ASGR1: variants seen among roughly 807,000 people sequenced by gnomAD.
The protein encoded by ASGR1 is asialoglycoprotein receptor 1.
A neutral mutation model predicts 33.1 loss-of-function variants in ASGR1; 35 were observed. The ratio of observed to expected loss-of-function variants is 1.06; its 90% CI spans 0.81 to 1.40. The LOEUF (loss-of-function observed/expected upper bound fraction) is 1.40, where lower values mean the gene tolerates loss of function less well. Ranked by LOEUF, ASGR1 falls within the 40% of genes most tolerant of loss-of-function variation. The pLI is 0.00. For missense variants in ASGR1, 396 were observed against 373.7 expected, an observed-to-expected ratio of 1.06 and a Z score of -0.49; for synonymous variants, 142 against 152.5, an observed-to-expected ratio of 0.93 and a Z score of 0.51.
At chr17:7,175,950 ACACT>A (rs2069196714) in intron 5 of ASGR1, among the ~76,000 whole-genome samples, 1 of 143,184 alleles carries the variant, frequency 7.0e-6, no homozygotes, top group Non-Finnish European at 1.5e-5. Context: ...CACGCAACAC[ACACT>A]AACACACATA....
At position 7,174,080 on chromosome 17, in the gene ASGR1, A is replaced by T; in HGVS notation, c.595-13T>A. On this transcript the variant is annotated splice_polypyrimidine_tract_variant and intron_variant, in intron 7 of 8. Transcript: ENST00000269299. ...GCTGGACAAATTTCTGAGGAGAGAG[A>T]AGGCGGGTGGTGATCTCTCCGAGGC... 1 of 1,614,134 alleles carries T rather than the reference A, an allele frequency of 6.2e-7. No individual in the cohort carries two copies. The highest frequency in any genetic ancestry group is 8.5e-7 in the Non-Finnish European group (1 of 1,179,988).
intron 2 of ASGR1, chr17:7,177,575 C>G: frequency 2.2e-6 from 1 of 459,752 alleles, no homozygotes; most frequent in South Asian, 3.5e-5. Flanking sequence ...TTTGCTGACA[C>G]CTAATGGCAT....
intron 2 of ASGR1, 74 bp downstream of exon 2, chr17:7,178,420 A>C: frequency 6.9e-7 from 1 of 1,446,554 alleles, no homozygotes; most frequent in East Asian, 2.3e-5. Context: ...CACGGGCAAG[A>C]GTAGGAGCTG....
chr17:7,176,792 T>TCACACACACACACACACA, intron 5 of ASGR1, 38 bp downstream of exon 5: 1 of 1,474,292 alleles, frequency 6.8e-7, no homozygotes, highest in South Asian at 1.2e-5. Context: ...TCACTCTCTT[T>TCACACACACACACACACA]CACACACACA....
chr17:7,173,812 C>T lies in ASGR1; in HGVS notation c.723G>A (p.Pro241=), dbSNP rs748380270. 1.1e-5 allele frequency: 17 copies of T among 1,610,918 alleles called. No homozygotes were observed. The East Asian group carries it at 2.9e-4, about 27-fold the overall frequency. Residue 241 remains proline (P), a synonymous_variant, in exon 9 of 9, where the codon CCG becomes CCA. Coordinates refer to ENST00000269299, the MANE Select transcript of ASGR1 (RefSeq NM_001671.5). The surrounding 1 kb of genome is among the most constrained non-coding windows in gnomAD (Gnocchi z 4.7). ...CGAGCCCGTGGCCGTACCAGTCGTC[C>T]GGCTGCTCCGGCCTCCAGTTCCTGG... The part of the protein sequence containing the change: ...TGFKNWRPEQ[P]DDWYGHGLGG...
At position 7,177,087 on chromosome 17, in the gene ASGR1, C is replaced by T; in HGVS notation, c.188-11G>A. 6.2e-7 allele frequency: 1 copy of T among 1,613,846 alleles called. No homozygotes were observed. The highest frequency in any genetic ancestry group is 8.5e-7 in the Non-Finnish European group (1 of 1,179,998). ...CCTGCAGCTGGGAGTCTGGCCAGGACAGCGTGCAGAGAGAAGAAAACGGGA... is the reference window on the plus strand; with the variant it reads ...CCTGCAGCTGGGAGTCTGGCCAGGATAGCGTGCAGAGAGAAGAAAACGGGA... On this transcript the variant is annotated splice_polypyrimidine_tract_variant and intron_variant, in intron 3 of 8. Transcript: ENST00000269299.
In ASGR1 at chr17:7,173,626, C is replaced by T; in HGVS notation, c.*33G>A. On this transcript the variant is annotated 3_prime_UTR_variant, in exon 9 of 9. Transcript: ENST00000269299. The surrounding 1 kb of genome is among the most constrained non-coding windows in gnomAD (Gnocchi z 4.7). Reference sequence around the variant, plus strand: ...GATGGGCGGATTCCCAATCCCGGACCCCTGCGGCAGGTCGAGGCATTGAAG... The same window carrying T: ...GATGGGCGGATTCCCAATCCCGGACTCCTGCGGCAGGTCGAGGCATTGAAG... 6.2e-7 allele frequency: 1 copy of T among 1,611,192 alleles called. No individual in the cohort carries two copies. Among genetic ancestry groups the T allele is most frequent in the Non-Finnish European group, 8.5e-7 (1 of 1,179,936 alleles).
intron 5 of ASGR1, among the ~76,000 whole-genome samples, chr17:7,175,782 C>T: frequency 7.2e-6 from 1 of 139,088 alleles, no homozygotes; most frequent in East Asian, 2.0e-4. Context: ...CACACAGGCT[C>T]TCACACACAC....
rs1437255089 is a variant in ASGR1, at chr17:7,174,130, G to T, written c.594+8C>A. The T allele has an allele frequency of 8.1e-6, 13 of 1,614,036 alleles. 1 individual carries two copies. Among genetic ancestry groups the T allele is most frequent in the South Asian group, 4.4e-5 (4 of 91,074 alleles). On this transcript the variant is annotated splice_region_variant and intron_variant, in intron 7 of 8. Transcript: ENST00000269299. ...CCAGCCAGCCTCCCAGACCCTCCGG[G>T]TCCTCACCTGCTCCTCCCAGGACGT...
intron 2 of ASGR1, chr17:7,178,234 C>T (rs1205588625): frequency 3.8e-6 from 2 of 525,244 alleles, no homozygotes; most frequent in Non-Finnish European, 3.4e-6. Flanking sequence ...CAGCTTCCAG[C>T]TGTTCCCACA....
rs113815158 is a variant in ASGR1, at chr17:7,176,704, T to TCACA, written c.355+122_355+125dup. ...CTCCCCCTCATTCTCACACACAGACTCACACACACACACACTCCCTCTCAT... is the reference window on the plus strand; with the variant it reads ...CTCCCCCTCATTCTCACACACAGACTCACACACACACACACACACTCCCTCTCAT... On this transcript the variant is annotated intron_variant, in intron 5 of 8. Transcript: ENST00000269299. 3 of 1,336,486 alleles carry TCACA rather than the reference T, an allele frequency of 2.2e-6. No individual in the cohort carries two copies. The South Asian group carries it at 3.9e-5, about 17-fold the overall frequency. 82.8% of individuals were successfully genotyped at this position (1,336,486 alleles called of 1,614,324 possible).
In ASGR1 at chr17:7,173,536, C is replaced by G. The variant is rs1426371131; in HGVS notation, c.*123G>C. Reference sequence around the variant, plus strand: ...CAAGCTCCTCACCTTCGGAACATCACCCTATCCTTCCCCTTCCCTTAAAAT... The same window carrying G: ...CAAGCTCCTCACCTTCGGAACATCAGCCTATCCTTCCCCTTCCCTTAAAAT... On this transcript the variant is annotated 3_prime_UTR_variant, in exon 9 of 9. Transcript: ENST00000269299. The surrounding 1 kb of genome is among the most constrained non-coding windows in gnomAD (Gnocchi z 4.7). The G allele has an allele frequency of 7.4e-7, 1 of 1,351,672 alleles. No homozygotes were observed. The highest frequency in any genetic ancestry group is 1.0e-6 in the Non-Finnish European group (1 of 989,456). The allele number at this position is 1,351,672 out of a possible 1,614,324, so 83.7% of individuals were successfully genotyped here.
Position 7,173,648 on chromosome 17 carries a change from G to C in ASGR1, c.*11C>G. On this transcript the variant is annotated 3_prime_UTR_variant, in exon 9 of 9. Transcript: ENST00000269299. This position sits in a 1 kb window ranked among gnomAD's most constrained non-coding sequence, Gnocchi z 4.7. The stretch of plus-strand genomic sequence containing the variant: ...GACCCCTGCGGCAGGTCGAGGCATT[G>C]AAGAAATAAATTAAAGGAGAGGTGG... 1.9e-6 allele frequency: 3 copies of C among 1,612,502 alleles called. No homozygotes were observed. The highest frequency in any genetic ancestry group is 2.5e-6 in the Non-Finnish European group (3 of 1,180,014).
Position 7,174,183 on chromosome 17 carries a change from C to T in ASGR1, c.549G>A (p.Arg183=). 1.2e-6 allele frequency: 2 copies of T among 1,614,182 alleles called. No individual in the cohort carries two copies. The highest frequency in any genetic ancestry group is 1.7e-6 in the Non-Finnish European group (2 of 1,180,018). The change falls in exon 7 of 9, where the codon CGG becomes CGA. Residue 183 remains arginine (R), a synonymous_variant. Transcript: ENST00000269299. ...CCACCACCAGGTGCGCGTCCTCCAG[C>T]CGGCAGTAGTTGTCGGCGTCAGCCC... is the stretch of plus-strand genomic sequence containing the variant. ...KAWADADNYC[R]LEDAHLVVVT... is the part of the protein sequence containing the mutation.
At position 7,174,178 on chromosome 17, in the gene ASGR1, T is replaced by G. The variant is rs201237165; in HGVS notation, c.554A>C (p.Glu185Ala). ...WADADNYCRL[E>A]DAHLVVVTSW... is the part of the protein sequence containing the mutation. The stretch of plus-strand genomic sequence containing the variant: ...CGTGACCACCACCAGGTGCGCGTCC[T>G]CCAGCCGGCAGTAGTTGTCGGCGTC... Residue 185 changes from glutamate (E) to alanine (A), a missense_variant, in exon 7 of 9, where the codon GAG becomes GCG. Transcript: ENST00000269299. 1.9e-6 allele frequency: 3 copies of G among 1,613,618 alleles called. No individual in the cohort carries two copies. In the African/African-American group the frequency reaches 4.0e-5, roughly 22 times the overall value.
Position 7,176,906 on chromosome 17 carries a change from G to C in ASGR1, c.284-5C>G. ...TCTTTCTTCCCACATTGCCTCCTGC[G>C]GGAGAGGCTCGCTCAGCGTTCCCGA... On this transcript the variant is annotated splice_polypyrimidine_tract_variant and splice_region_variant and intron_variant, in intron 4 of 8. Coordinates refer to ENST00000269299, the MANE Select transcript of ASGR1 (RefSeq NM_001671.5). The C allele has an allele frequency of 1.2e-6, 2 of 1,612,698 alleles. No individual in the cohort carries two copies. The highest frequency in any genetic ancestry group is 2.2e-5 in the East Asian group (1 of 44,872).
At chr17:7,174,728 A>AC (rs2069175289) in intron 5 of ASGR1, among the ~76,000 whole-genome samples, 5 of 145,360 alleles carry the variant, frequency 3.4e-5, no homozygotes, top group African/African-American at 1.3e-4. Flanking sequence ...CACACACACA[A>AC]CCTAACCCAC....
At chr17:7,175,129 C>G (rs1021786525) in intron 5 of ASGR1, among the ~76,000 whole-genome samples, 1 of 150,708 alleles carries the variant, frequency 6.6e-6, no homozygotes, top group Non-Finnish European at 1.5e-5. Flanking sequence ...CACACCCTAA[C>G]CCACATACAC....
At chr17:7,175,510 A>T (rs773092550) in intron 5 of ASGR1, among the ~76,000 whole-genome samples, 6 of 151,012 alleles carry the variant, frequency 4.0e-5, no homozygotes, top group Non-Finnish European at 7.4e-5. Flanking sequence ...CACCCACAAC[A>T]CACATATACT....
Sources: gnomAD v4.1 joint callset for allele counts (sites outside exome capture counted in the v4.1 genomes callset) on GRCh38, gnomAD v4.1.1 for gene constraint, Gnocchi (gnomAD v3.1) non-coding constraint, MANE v1.5 for transcripts, NCBI Gene and HGNC (gene_info 2026-07-23, HGNC 2026-07-21) for gene names.